AKT2: variants seen among roughly 807,000 people sequenced by gnomAD.
AKT2 encodes AKT serine/threonine kinase 2.
Under a neutral mutation model 58.6 loss-of-function variants are expected in AKT2, and 16 were observed. The ratio of observed to expected loss-of-function variants is 0.27; its 90% confidence interval spans 0.18 to 0.41. AKT2 has a LOEUF of 0.41. AKT2 is among the 10% of genes least tolerant of loss of function. AKT2 has a pLI of 1.00. For synonymous variants in AKT2, 253 were observed against 254.0 expected, an observed-to-expected ratio of 1.00 and a Z score of 0.04; for missense variants, 438 against 661.0, an observed-to-expected ratio of 0.66 and a Z score of 3.70.
At chr19:40,261,848 G>C (rs1975983984) in intron 2 of AKT2, among the ~76,000 whole-genome samples, 1 of 151,516 alleles carries the variant, frequency 6.6e-6, no homozygotes, top group South Asian at 2.1e-4. Context: ...TATACTAAAG[G>C]CCAATGAATC....
At chr19:40,263,279 T>C (rs1444890198) in intron 2 of AKT2, among the ~76,000 whole-genome samples, 1 of 152,180 alleles carries the variant, frequency 6.6e-6, no homozygotes, top group Non-Finnish European at 1.5e-5. Flanking sequence ...TGACCCTGTG[T>C]TCCCCAGCAC....
Position 40,231,870 on chromosome 19 carries a change from T to C in AKT2, c.*2002A>G, listed in dbSNP as rs920597484. 8.6e-6 allele frequency: 2 copies of C among 233,202 alleles called. No individual in the cohort carries two copies. The highest frequency in any genetic ancestry group is 1.7e-5 in the Non-Finnish European group (2 of 118,138). 14.4% of individuals were successfully genotyped at this position (233,202 alleles called of 1,614,324 possible). On this transcript the variant is annotated 3_prime_UTR_variant, in exon 14 of 14. Transcript: ENST00000392038. ...CACACCACTGGGTCTGTACTGGAAT[T>C]TGGGGGCCTCAAGGCTTCCAGGTGG...
At position 40,232,209 on chromosome 19, in the gene AKT2, GCTCAGTGCC is replaced by G. The variant is rs1973737677; in HGVS notation, c.*1654_*1662del. On this transcript the variant is annotated 3_prime_UTR_variant, in exon 14 of 14. Transcript: ENST00000392038. ...CACACCCCAGCTGCCCTCACCCTGAGCTCAGTGCCCTCCTTGCTGAAGGGAACGGCTAGT... is the reference window on the plus strand; with the variant it reads ...CACACCCCAGCTGCCCTCACCCTGAGCTCCTTGCTGAAGGGAACGGCTAGT... 1 of 233,728 alleles carries G rather than the reference GCTCAGTGCC, an allele frequency of 4.3e-6. No homozygotes were observed. Among genetic ancestry groups the G allele is most frequent in the Non-Finnish European group, 8.5e-6 (1 of 118,158 alleles). 14.5% of individuals were successfully genotyped at this position (233,728 alleles called of 1,614,324 possible).
chr19:40,231,937 T>C lies in AKT2; in HGVS notation c.*1935A>G, dbSNP rs1973722886. On this transcript the variant is annotated 3_prime_UTR_variant, in exon 14 of 14. Coordinates refer to ENST00000392038, the MANE Select transcript of AKT2 (RefSeq NM_001626.6). ...GTGGGGCAGGATAGGAATGCCCCCC[T>C]CTGAGGCTCGGCAGCCGGGTGGAAT... is the stretch of plus-strand genomic sequence containing the variant. 1 of 233,248 alleles carries C rather than the reference T, an allele frequency of 4.3e-6. No homozygotes were observed. Among genetic ancestry groups the C allele is most frequent in the Non-Finnish European group, 8.5e-6 (1 of 118,154 alleles). The allele number at this position is 233,248 out of a possible 1,614,324, so 14.4% of individuals were successfully genotyped here. A position where few individuals can be genotyped will look rare whatever the true frequency, so the allele number is the denominator to read the frequency against.
intron 4 of AKT2, among the ~76,000 whole-genome samples, chr19:40,247,725 T>G (rs1007991060): frequency 2.0e-5 from 3 of 152,128 alleles, no homozygotes; most frequent in Non-Finnish European, 4.4e-5. Context: ...GGTACCACTG[T>G]GCGTTATGGT....
chr19:40,275,197 G>A (rs745735592), intron 1 of AKT2: 25 of 456,774 alleles, frequency 5.5e-5, no homozygotes, highest in Non-Finnish European at 1.1e-4. Context: ...TTGCTCCCAA[G>A]AGACAGGGCC....
intron 2 of AKT2, 32 bp downstream of exon 2, chr19:40,265,190 A>T (rs763593013): frequency 1.5e-5 from 24 of 1,608,344 alleles, no homozygotes; most frequent in Non-Finnish European, 2.0e-5. Flanking sequence ...AGCGTGGGAG[A>T]AAGAATCTGG....
At chr19:40,252,402 G>T (rs957367819) in intron 4 of AKT2, among the ~76,000 whole-genome samples, 1 of 152,182 alleles carries the variant, frequency 6.6e-6, no homozygotes, top group East Asian at 1.9e-4. Flanking sequence ...CTTGGTAAAG[G>T]AAAGGGCATG....
chr19:40,236,386 C>A lies in AKT2; in HGVS notation c.832-1G>T. 3 of 1,614,152 alleles carry A rather than the reference C, an allele frequency of 1.9e-6. No homozygotes were observed. ...CTTTGTCCAGCATGAGGTTTTCCAG[C>A]TGTTGGAAAAGTCAACGGATCTCAG... On this transcript the variant is annotated splice_acceptor_variant, in intron 9 of 13. Transcript: ENST00000392038. LOFTEE classifies it high-confidence loss of function.
chr19:40,252,689 C>G (rs1355760472), intron 4 of AKT2, among the ~76,000 whole-genome samples: 1 of 152,208 alleles, frequency 6.6e-6, no homozygotes, highest in African/African-American at 2.4e-5. Flanking sequence ...CCCCTTGGTT[C>G]TCTGGTGACA....
At chr19:40,282,326 G>A in intron 1 of AKT2, 1 of 376,874 alleles carries the variant, frequency 2.7e-6, no homozygotes, top group Admixed American at 3.2e-5. Context: ...TGAACAGTGT[G>A]GTCCAAGGTC....
chr19:40,257,015 A>G lies in AKT2; in HGVS notation c.86T>C (p.Leu29Pro). The change falls in exon 3 of 14, where the codon CTG becomes CCG. Residue 29 changes from leucine to proline, a missense_variant. This residue lies in a region of AKT2 where 244 missense variants were observed against 347.1 expected (regional missense o/e 0.70). Coordinates refer to ENST00000392038, the MANE Select transcript of AKT2 (RefSeq NM_001626.6). ...IKTWRPRYFL[L>P]KSDGSFIGYK... ...CCCAATGAAGGAGCCGTCGCTCTTC[A>G]GCAGGAAGTACCGTGGCCTCCAGGT... 6.2e-7 allele frequency: 1 copy of G among 1,614,176 alleles called. No homozygotes were observed. Among genetic ancestry groups the G allele is most frequent in the Non-Finnish European group, 8.5e-7 (1 of 1,180,016 alleles).
In AKT2 at chr19:40,258,620, C is replaced by T. The variant is rs528194867; in HGVS notation, c.47-1566G>A. ...AATTGAAGCTATGATGGTGCCACTG[C>T]AGTCCAGCCCAGTGACAGAGCAAGA... On this transcript the variant is annotated intron_variant, in intron 2 of 13. Coordinates refer to ENST00000392038, the MANE Select transcript of AKT2 (RefSeq NM_001626.6). 3.4e-5 allele frequency among the ~76,000 whole-genome samples: 5 copies of T among 148,946 alleles called. No homozygotes were observed. The East Asian group carries it at 9.8e-4, about 29-fold the overall frequency.
intron 7 of AKT2, chr19:40,239,547 A>C (rs1185813612): frequency 3.1e-6 from 1 of 327,732 alleles, no homozygotes; most frequent in Non-Finnish European, 5.9e-6. Context: ...CTGGACAGCA[A>C]CTGAGATAAA....
intron 1 of AKT2, among the ~76,000 whole-genome samples, chr19:40,283,869 C>G (rs370893475): frequency 6.6e-6 from 1 of 152,220 alleles, no homozygotes; most frequent in Non-Finnish European, 1.5e-5. Flanking sequence ...GGCCTCACTG[C>G]AAGGCCAACT....
At chr19:40,276,418 T>A (rs553726913) in intron 1 of AKT2, among the ~76,000 whole-genome samples, 27 of 123,888 alleles carry the variant, frequency 2.2e-4, no homozygotes, top group African/African-American at 8.1e-4. Context: ...CAGGCTGGAG[T>A]GCAGTAGTGC....
chr19:40,235,826 C>G lies in AKT2; in HGVS notation c.1175+64G>C. On this transcript the variant is annotated intron_variant, in intron 11 of 13. Coordinates refer to ENST00000392038, the MANE Select transcript of AKT2 (RefSeq NM_001626.6). The surrounding 1 kb of genome is among the most constrained non-coding windows in gnomAD (Gnocchi z 6.3). ...AGCACCCTTGTGGACGCTGCCCCCT[C>G]CAGGCCGCAGGGACAGTGGCAGCAG... is the stretch of plus-strand genomic sequence containing the variant. The G allele has an allele frequency of 6.6e-7, 1 of 1,512,882 alleles. No homozygotes were observed. The highest frequency in any genetic ancestry group is 8.9e-7 in the Non-Finnish European group (1 of 1,121,084). The allele number at this position is 1,512,882 out of a possible 1,614,324, so 93.7% of individuals were successfully genotyped here. A position where few individuals can be genotyped will look rare whatever the true frequency, so the allele number is the denominator to read the frequency against.
At chr19:40,267,007 T>C (rs1031690321) in intron 1 of AKT2, among the ~76,000 whole-genome samples, 1 of 152,232 alleles carries the variant, frequency 6.6e-6, no homozygotes, top group South Asian at 2.1e-4. Context: ...CCCACTGTTC[T>C]GTGTGTCAAC....
chr19:40,271,051 A>C (rs1046538657), intron 1 of AKT2, among the ~76,000 whole-genome samples: 12 of 149,722 alleles, frequency 8.0e-5, no homozygotes, highest in Admixed American at 3.3e-4. Flanking sequence ...AACAAACAAA[A>C]AAAGCTGGCC....
Sources: gnomAD v4.1 joint callset for allele counts (sites outside exome capture counted in the v4.1 genomes callset) on GRCh38, gnomAD v4.1.1 for gene constraint, gnomAD v4.1.1 regional missense constraint, Gnocchi (gnomAD v3.1) non-coding constraint, MANE v1.5 for transcripts, NCBI Gene and HGNC (gene_info 2026-07-23, HGNC 2026-07-21) for gene names.